The following ANAPC2 variants were observed in gnomAD, a reference collection of about 807,000 sequenced individuals.
ANAPC2 encodes anaphase promoting complex subunit 2.
In ANAPC2, 29 loss-of-function variants were observed where a neutral mutation model predicts 84.3. The observed-to-expected ratio is 0.34, with a 90% CI of 0.26 to 0.47. The LOEUF is 0.47. ANAPC2 is among the 20% of genes least tolerant of loss of function. ANAPC2 has a pLI of 1.00. For synonymous variants in ANAPC2, 571 were observed against 479.4 expected, an observed-to-expected ratio of 1.19 and a Z score of -2.50; for missense variants, 857 against 1,131.7, an observed-to-expected ratio of 0.76 and a Z score of 3.48.
chr9:137,184,925 T>A lies in ANAPC2; in HGVS notation c.1036A>T (p.Ser346Cys), dbSNP rs1277057517. 6.2e-7 allele frequency: 1 copy of A among 1,612,754 alleles called. No individual in the cohort carries two copies. The highest frequency in any genetic ancestry group is 8.5e-7 in the Non-Finnish European group (1 of 1,179,704). ...YASLRIEELF[S>C]IVRDFPDSRP... ...GGGGCAGGACCACCTCGGACGATGC[T>A]GAAGAGCTCCTCGATGCGCAGGCTG... Residue 346 changes from serine to cysteine, a missense_variant, in exon 4 of 13, where the codon AGC becomes TGC. Transcript: ENST00000323927.
Position 137,175,477 on chromosome 9 carries a change from G to A in ANAPC2, c.2021-5C>T, listed in dbSNP as rs766823831. Reference sequence around the variant, plus strand: ...GTTCCTCCAGGGTCCAGCTGGCTGCGTGCAGAGTCACCGGGACGCTGGGCA... The same window carrying A: ...GTTCCTCCAGGGTCCAGCTGGCTGCATGCAGAGTCACCGGGACGCTGGGCA... On this transcript the variant is annotated splice_region_variant and splice_polypyrimidine_tract_variant and intron_variant, in intron 11 of 12. Transcript: ENST00000323927. 18 of 1,555,154 alleles carry A rather than the reference G, an allele frequency of 1.2e-5. No individual in the cohort carries two copies. The highest frequency in any genetic ancestry group is 2.3e-5 in the South Asian group (2 of 85,502).
rs1259479914 is a variant in ANAPC2, at chr9:137,180,870, C to T, written c.1528G>A (p.Gly510Ser). 3.7e-6 allele frequency: 6 copies of T among 1,613,500 alleles called. No individual in the cohort carries two copies. The Admixed American group carries it at 5.0e-5, about 13-fold the overall frequency. Reference protein sequence around the residue: ...DIISLLVSIYGSKDLFINEYR... With the variant: ...DIISLLVSIYSSKDLFINEYR... ...TCATTGATGAAGAGGTCCTTGCTGC[C>T]GTAGATGCTGACCAGCAGGCTGATG... The change falls in exon 8 of 13, where the codon GGC (glycine) becomes AGC (serine). Residue 510 changes from glycine (G) to serine (S), a missense_variant. By Grantham distance (56) the Gly-to-Ser change is moderately conservative. Transcript: ENST00000323927.
Position 137,175,701 on chromosome 9 carries a change from G to A in ANAPC2, c.2020+7C>T, listed in dbSNP as rs1208067818. 9.3e-6 allele frequency: 15 copies of A among 1,608,304 alleles called. No individual in the cohort carries two copies. The highest frequency in any genetic ancestry group is 1.2e-5 in the Non-Finnish European group (14 of 1,177,142). On this transcript the variant is annotated splice_region_variant and intron_variant, in intron 11 of 12. Transcript: ENST00000323927. ...GGGGCAGGCCAGCTAGGGGCTGGTG[G>A]GCTCACCTTGGTCCTGAAAATACAG...
Position 137,187,757 on chromosome 9 carries a change from G to C in ANAPC2, c.464C>G (p.Thr155Ser). The C allele has an allele frequency of 2.5e-6, 4 of 1,613,806 alleles. No homozygotes were observed. Among genetic ancestry groups the C allele is most frequent in the South Asian group, 1.1e-5 (1 of 91,086 alleles). ...AAAGAACAAGACTCCGCGCAACATAGTGTGGACTTCTTCTCGCAGCCCCTG... is the reference window on the plus strand; with the variant it reads ...AAAGAACAAGACTCCGCGCAACATACTGTGGACTTCTTCTCGCAGCCCCTG... Reference protein sequence around the residue: ...GAQGLREEVHTMLRGVLFFST... With the variant: ...GAQGLREEVHSMLRGVLFFST... The change falls in exon 2 of 13, where the codon ACT (threonine) becomes AGT (serine). Residue 155 changes from threonine (T) to serine (S), a missense_variant. Transcript: ENST00000323927.
intron 3 of ANAPC2, among the ~76,000 whole-genome samples, chr9:137,185,982 G>T (rs73571578): frequency 5.4e-4 from 83 of 152,296 alleles, no homozygotes; most frequent in Middle Eastern, 3.4e-3. Context: ...ATCCTGGCCC[G>T]ATACCGCCTG....
At chr9:137,186,019 A>C (rs775116822) in intron 3 of ANAPC2, among the ~76,000 whole-genome samples, 5 of 152,278 alleles carry the variant, frequency 3.3e-5, no homozygotes, top group Non-Finnish European at 7.4e-5. Flanking sequence ...CGCAGATCCG[A>C]AGAGCGCACC....
intron 6 of ANAPC2, 143 bp downstream of exon 6, chr9:137,182,982 C>A: frequency 4.6e-6 from 3 of 652,992 alleles, no homozygotes. Flanking sequence ...GAGCCTCGGG[C>A]CTGATCCCGT....
intron 10 of ANAPC2, among the ~76,000 whole-genome samples, chr9:137,179,950 G>A (rs899563790): frequency 3.3e-5 from 5 of 152,268 alleles, no homozygotes; most frequent in African/African-American, 7.2e-5. Context: ...CCACCCAAGC[G>A]CCTGTGGGCC....
rs1249439346 is a variant in ANAPC2 at position 137,175,071 on chromosome 9, A to G, written c.2340T>C (p.Phe780=). 6.2e-7 allele frequency: 1 copy of G among 1,607,522 alleles called. No individual in the cohort carries two copies. Among genetic ancestry groups the G allele is most frequent in the Non-Finnish European group, 8.5e-7 (1 of 1,177,690 alleles). The change falls in exon 13 of 13, where the codon TTT becomes TTC. Residue 780 remains phenylalanine, a synonymous_variant. Transcript: ENST00000323927. ...LDRIYNMLRM[F]VVTGPALAEI... is the part of the protein sequence containing the mutation. ...CGGCCAGTGCAGGCCCAGTCACCAC[A>G]AACATGCGGAGCATGTTGTAGATAC...
chr9:137,177,757 G>A (rs1409625035), intron 10 of ANAPC2, among the ~76,000 whole-genome samples: 1 of 152,150 alleles, frequency 6.6e-6, no homozygotes, highest in African/African-American at 2.4e-5. Context: ...TGGAAATACG[G>A]TCATTAAAGA....
At position 137,174,864 on chromosome 9, in the gene ANAPC2, C is replaced by T. The variant is rs965220496; in HGVS notation, c.*78G>A. On this transcript the variant is annotated 3_prime_UTR_variant, in exon 13 of 13. Coordinates refer to ENST00000323927, the MANE Select transcript of ANAPC2 (RefSeq NM_013366.4). This position sits in a 1 kb window ranked among gnomAD's most constrained non-coding sequence, Gnocchi z 6.1. ...TCAGCAGTGCATTCTGGGACACGGG[C>T]GGGCGGGGGCTGGCACGGGAGGACG... is the stretch of plus-strand genomic sequence containing the variant. The T allele has an allele frequency of 7.0e-5, 73 of 1,040,202 alleles. No individual in the cohort carries two copies. Among genetic ancestry groups the T allele is most frequent in the African/African-American group, 8.4e-5 (4 of 47,902 alleles). The allele number at this position is 1,040,202 out of a possible 1,614,324, so 64.4% of individuals were successfully genotyped here.
In ANAPC2 at chr9:137,181,881, C is replaced by T; in HGVS notation, c.1287-19G>A. 1 of 1,592,952 alleles carries T rather than the reference C, an allele frequency of 6.3e-7. No homozygotes were observed. ...CCGCGTCCTGCCGATGTGAGTGCTG[C>T]TGTGGCCCACAGTGTGGACACCCCG... On this transcript the variant is annotated intron_variant, in intron 6 of 12. Transcript: ENST00000323927.
chr9:137,186,095 C>T, intron 3 of ANAPC2, 129 bp downstream of exon 3: 1 of 1,360,670 alleles, frequency 7.3e-7, no homozygotes, highest in Non-Finnish European at 1.0e-6. Context: ...CAAGACAGCT[C>T]CAGCCACCAC....
At chr9:137,186,560 C>T (rs564964703) in intron 2 of ANAPC2, 10 of 682,888 alleles carry the variant, frequency 1.5e-5, no homozygotes, top group Admixed American at 3.0e-5. Flanking sequence ...GCACAGAGCA[C>T]TCCCAGGCTC....
In ANAPC2 at chr9:137,187,749, G is replaced by A; in HGVS notation, c.472C>T (p.Arg158Cys). ...GLREEVHTML[R>C]GVLFFSTPRT... ...GGGGTGCTAAAGAACAAGACTCCGC[G>A]CAACATAGTGTGGACTTCTTCTCGC... Residue 158 changes from arginine (R) to cysteine (C), a missense_variant, in exon 2 of 13, where the codon CGC (arginine) becomes TGC (cysteine). Physicochemically the swap from Arg to Cys is radical, Grantham distance 180. Coordinates refer to ENST00000323927, the MANE Select transcript of ANAPC2 (RefSeq NM_013366.4). 9 of 1,613,790 alleles carry A rather than the reference G, an allele frequency of 5.6e-6. No individual in the cohort carries two copies. The highest frequency in any genetic ancestry group is 7.6e-6 in the Non-Finnish European group (9 of 1,180,040).
chr9:137,184,088 T>G (rs981582489), intron 4 of ANAPC2, among the ~76,000 whole-genome samples: 8 of 152,216 alleles, frequency 5.3e-5, no homozygotes, highest in African/African-American at 1.9e-4. Context: ...ACACCTGCCC[T>G]GATCCAGGCA....
At chr9:137,179,622 C>G (rs1834297343) in intron 10 of ANAPC2, among the ~76,000 whole-genome samples, 1 of 152,236 alleles carries the variant, frequency 6.6e-6, no homozygotes, top group South Asian at 2.1e-4. Context: ...CTGCTCCCCT[C>G]CTACTCCCAC....
At chr9:137,187,012 C>G (rs1437699089) in intron 2 of ANAPC2, 2 of 178,412 alleles carry the variant, frequency 1.1e-5, no homozygotes, top group African/African-American at 4.7e-5. Context: ...TACAACAGGA[C>G]CTGTCTCTCA....
chr9:137,176,160 T>G, intron 10 of ANAPC2: 1 of 202,262 alleles, frequency 4.9e-6, no homozygotes, highest in Non-Finnish European at 1.0e-5. Flanking sequence ...CCCAACTGAC[T>G]GGGGTCCTTC....
Sources: allele counts gnomAD v4.1 joint callset (sites outside exome capture counted in the v4.1 genomes callset), GRCh38; gene constraint gnomAD v4.1.1; non-coding constraint Gnocchi (gnomAD v3.1); transcripts MANE v1.5; gene names NCBI Gene and HGNC (gene_info 2026-07-23, HGNC 2026-07-21).